Variants in LTV1 observed in about 807,000 individuals in gnomAD.
LTV1 encodes protein LTV1 homolog.
Under a neutral mutation model 59.9 loss-of-function variants are expected in LTV1, and 39 were observed. The observed-to-expected ratio is 0.65, with a 90% confidence interval of 0.50 to 0.85. LTV1 has a LOEUF of 0.85. LTV1 is among the 40% of genes least tolerant of loss of function. LTV1 has a pLI of 0.00. For missense variants in LTV1, 493 were observed against 549.1 expected (o/e 0.90, Z 1.02); for synonymous variants, 171 against 189.5 (o/e 0.90, Z 0.80).
intron 3 of LTV1, among the ~76,000 whole-genome samples, chr6:143,848,114 C>T (rs946235017): frequency 3.3e-5 from 5 of 152,154 alleles, no homozygotes; most frequent in Admixed American, 1.3e-4. Context: ...AACTCTTAAT[C>T]GTGTATGTGA....
Position 143,857,996 on chromosome 6 carries a change from A to T in LTV1, c.784A>T (p.Arg262Trp), listed in dbSNP as rs948521539. 6.2e-7 allele frequency: 1 copy of T among 1,613,942 alleles called. No individual in the cohort carries two copies. The highest frequency in any genetic ancestry group is 8.5e-7 in the Non-Finnish European group (1 of 1,179,986). ...RNEQLTLHDERFEKFYEQYDD... is the reference protein window; with the variant it reads ...RNEQLTLHDEWFEKFYEQYDD... ...TGAACAGCTGACCCTACATGATGAG[A>T]GGTTTGAGAAGGTAAGGTCCCCACA... The change falls in exon 6 of 11, where the codon AGG becomes TGG. Residue 262 changes from arginine to tryptophan, a missense_variant. Physicochemically the swap from Arg to Trp is moderately radical, Grantham distance 101. Transcript: ENST00000367576. This position sits in a 1 kb window ranked among gnomAD's most constrained non-coding sequence, Gnocchi z 5.2.
rs1776983766 is a variant in LTV1 at position 143,851,557 on chromosome 6, A to G, written c.397+1339A>G. On this transcript the variant is annotated intron_variant, in intron 4 of 10. Coordinates refer to ENST00000367576, the MANE Select transcript of LTV1 (RefSeq NM_032860.5). Reference sequence around the variant, plus strand: ...TTCACCAGTGGATATTAAAAGGAGAAGCATCATTTCTTTTTTCATTTTTTT... The same window carrying G: ...TTCACCAGTGGATATTAAAAGGAGAGGCATCATTTCTTTTTTCATTTTTTT... 2.0e-5 allele frequency among the ~76,000 whole-genome samples: 3 copies of G among 152,104 alleles called. No homozygotes were observed. The South Asian group carries it at 6.2e-4, about 32-fold the overall frequency.
chr6:143,848,934 T>G (rs1473475508), intron 3 of LTV1, among the ~76,000 whole-genome samples: 1 of 152,192 alleles, frequency 6.6e-6, no homozygotes, highest in African/African-American at 2.4e-5. Flanking sequence ...CATTATTACA[T>G]GACTGAGGAA....
At position 143,843,403 on chromosome 6, in the gene LTV1, G is replaced by C; in HGVS notation, c.-75G>C. ...GGCCTACAGAAGCGGCCTTCAGCTG[G>C]ACCTTGGTCTCCCCGCCGGACTTCG... On this transcript the variant is annotated 5_prime_UTR_variant, in exon 1 of 11. Transcript: ENST00000367576. 6.3e-7 allele frequency: 1 copy of C among 1,597,500 alleles called. No homozygotes were observed. Among genetic ancestry groups the C allele is most frequent in the Non-Finnish European group, 8.6e-7 (1 of 1,168,952 alleles).
At position 143,862,812 on chromosome 6, in the gene LTV1, T is replaced by A. The variant is rs1300372148; in HGVS notation, c.1064-32T>A. 1.5e-6 allele frequency: 2 copies of A among 1,341,378 alleles called. No individual in the cohort carries two copies. 83.1% of individuals were successfully genotyped at this position (1,341,378 alleles called of 1,614,324 possible). A position where few individuals can be genotyped will look rare whatever the true frequency, so the allele number is the denominator to read the frequency against. On this transcript the variant is annotated intron_variant, in intron 8 of 10. Transcript: ENST00000367576. This position sits in a 1 kb window ranked among gnomAD's most constrained non-coding sequence, Gnocchi z 4.2. ...TGCTTTGTGGAACTGAAAACATGCT[T>A]ACTGATACATGACTTTTATTTGTTT...
chr6:143,850,264 C>A (rs77673257), intron 4 of LTV1, 46 bp downstream of exon 4: 67,364 of 1,440,034 alleles, frequency 0.047, 1,885 homozygotes, highest in East Asian at 0.088. Flanking sequence ...ATGTATTTTG[C>A]AAAACATAAA....
chr6:143,848,232 A>G (rs767507858), intron 3 of LTV1, among the ~76,000 whole-genome samples: 1 of 152,242 alleles, frequency 6.6e-6, no homozygotes, highest in African/African-American at 2.4e-5. Flanking sequence ...TCACAAAGGT[A>G]CCTTTTTAAA....
chr6:143,849,988 T>A, intron 3 of LTV1, 143 bp from the exon 4 acceptor site: 2 of 596,000 alleles, frequency 3.4e-6, no homozygotes, highest in Non-Finnish European at 3.0e-6. Context: ...GACCTCATCT[T>A]ATTATAGTTG....
chr6:143,849,096 A>G (rs1411529460), intron 3 of LTV1, among the ~76,000 whole-genome samples: 2 of 152,192 alleles, frequency 1.3e-5, no homozygotes, highest in African/African-American at 2.4e-5. Flanking sequence ...ATGAAAAACT[A>G]TTAAAGGAGC....
chr6:143,849,181 T>C (rs1329842635), intron 3 of LTV1, among the ~76,000 whole-genome samples: 2 of 152,196 alleles, frequency 1.3e-5, no homozygotes, highest in Non-Finnish European at 2.9e-5. Flanking sequence ...ATTTATGTTT[T>C]GGTTAACTAT....
intron 4 of LTV1, among the ~76,000 whole-genome samples, chr6:143,852,722 A>G (rs1777004972): frequency 6.6e-6 from 1 of 152,202 alleles, no homozygotes. Context: ...GAAGTCTTTA[A>G]TCCATCTTGA....
chr6:143,845,608 G>A (rs1332413741), intron 2 of LTV1, among the ~76,000 whole-genome samples: 1 of 152,106 alleles, frequency 6.6e-6, no homozygotes, highest in Admixed American at 6.5e-5. Context: ...GAACTCCAAG[G>A]CTCAAGTGAT....
chr6:143,858,573 G>C (rs1208499314), intron 6 of LTV1: 6 of 154,538 alleles, frequency 3.9e-5, no homozygotes, highest in African/African-American at 1.4e-4. Flanking sequence ...ATGGTGTCTT[G>C]GCATGTAGTA....
At chr6:143,856,450 G>A (rs116038550) in intron 4 of LTV1, among the ~76,000 whole-genome samples, 2,180 of 152,194 alleles carry the variant, frequency 0.014, 44 homozygotes, top group African/African-American at 0.05. Flanking sequence ...TTCATCAAAC[G>A]CATTCTCCGT....
chr6:143,850,251 T>A (rs1304773843), intron 4 of LTV1, 33 bp downstream of exon 4: 3 of 1,529,348 alleles, frequency 2.0e-6, no homozygotes, highest in Non-Finnish European at 2.7e-6. Flanking sequence ...TTCATATGGA[T>A]AAATGTATTT....
intron 3 of LTV1, among the ~76,000 whole-genome samples, chr6:143,846,964 C>T (rs1439584910): frequency 1.3e-5 from 2 of 152,172 alleles, no homozygotes; most frequent in East Asian, 1.9e-4. Flanking sequence ...TCCTCATTCC[C>T]CAATTCTGTC....
Position 143,846,039 on chromosome 6 carries a change from T to C in LTV1, c.136-12T>C, listed in dbSNP as rs1328278785. On this transcript the variant is annotated splice_polypyrimidine_tract_variant and intron_variant, in intron 2 of 10. Transcript: ENST00000367576. ...GATAGTGAAGAAAGTACTAATTCCA[T>C]TTCGTTTATAGATAGACAATGAAGA... The C allele has an allele frequency of 1.9e-6, 3 of 1,610,400 alleles. No individual in the cohort carries two copies. The highest frequency in any genetic ancestry group is 1.7e-5 in the Admixed American group (1 of 59,116).
rs749498834 is a variant in LTV1 at position 143,862,839 on chromosome 6, T to C, written c.1064-5T>C. Reference sequence around the variant, plus strand: ...CTGATACATGACTTTTATTTGTTTGTTTAGGTACATACTCAAATTTATATA... The same window carrying C: ...CTGATACATGACTTTTATTTGTTTGCTTAGGTACATACTCAAATTTATATA... On this transcript the variant is annotated splice_polypyrimidine_tract_variant and splice_region_variant and intron_variant, in intron 8 of 10. Transcript: ENST00000367576. This position sits in a 1 kb window ranked among gnomAD's most constrained non-coding sequence, Gnocchi z 4.2. The C allele has an allele frequency of 6.5e-7, 1 of 1,539,092 alleles. No individual in the cohort carries two copies. The highest frequency in any genetic ancestry group is 1.1e-5 in the South Asian group (1 of 89,478).
intron 6 of LTV1, among the ~76,000 whole-genome samples, chr6:143,859,354 T>A (rs145143929): frequency 1.8e-3 from 270 of 152,312 alleles, no homozygotes; most frequent in African/African-American, 6.3e-3. Context: ...TAACATCATC[T>A]CTAATGTTGT....
Sources: gnomAD v4.1 joint callset for allele counts (sites outside exome capture counted in the v4.1 genomes callset) on GRCh38, gnomAD v4.1.1 for gene constraint, Gnocchi (gnomAD v3.1) non-coding constraint, MANE v1.5 for transcripts, NCBI Gene and HGNC (gene_info 2026-07-23, HGNC 2026-07-21) for gene names.